DCDC2: variants seen among roughly 807,000 people sequenced by gnomAD.
DCDC2 encodes doublecortin domain containing 2.
A neutral mutation model predicts 50.2 loss-of-function variants in DCDC2; 40 were observed. The observed-to-expected ratio is 0.80, with a 90% CI of 0.62 to 1.04. The LOEUF is 1.04. DCDC2 is among the 50% of genes least tolerant of loss of function. DCDC2 has a pLI of 0.00. For synonymous variants in DCDC2, 234 were observed against 210.6 expected (o/e 1.11, Z -0.96); for missense variants, 570 against 581.9 (o/e 0.98, Z 0.21).
chr6:24,381,068 T>G, the DCDC2 span, among the ~76,000 whole-genome samples: 2 of 146,356 alleles, frequency 1.4e-5, no homozygotes, highest in Non-Finnish European at 3.0e-5. Flanking sequence ...GGTGACAGAG[T>G]GAAGTCTTGT....
At chr6:24,204,351 G>A (rs1342499857) in intron 8 of DCDC2, among the ~76,000 whole-genome samples, 3 of 152,142 alleles carry the variant, frequency 2.0e-5, no homozygotes, top group African/African-American at 4.8e-5. Flanking sequence ...CATGAATGAA[G>A]CTGGAAACCA....
intron 2 of DCDC2, among the ~76,000 whole-genome samples, chr6:24,337,168 G>C (rs1314935700): frequency 1.3e-5 from 2 of 152,084 alleles, no homozygotes; most frequent in Non-Finnish European, 2.9e-5. Context: ...CAGTAGCACA[G>C]TAAAAACTTT....
chr6:24,359,419 T>TATATATATTTTATATATTATATAG (rs1491562288), upstream of DCDC2, among the ~76,000 whole-genome samples: 16 of 50,966 alleles, frequency 3.1e-4, no homozygotes, highest in East Asian at 1.2e-3. Flanking sequence ...ATATTATATA[T>TATATATATTTTATATATTATATAG]TATATATATT....
intron 5 of DCDC2, among the ~76,000 whole-genome samples, chr6:24,290,014 G>T (rs1329557639): frequency 4.7e-5 from 4 of 85,784 alleles, no homozygotes; most frequent in Non-Finnish European, 6.4e-5. Context: ...TTTTTTTTGA[G>T]ACGGAGTCTC....
chr6:24,371,289 A>AAAGAAAAG, the DCDC2 span, among the ~76,000 whole-genome samples: 1 of 141,194 alleles, frequency 7.1e-6, no homozygotes, highest in South Asian at 2.2e-4. Flanking sequence ...AAAAAAAAAA[A>AAAGAAAAG]AAAAGAAAAG....
intron 8 of DCDC2, among the ~76,000 whole-genome samples, chr6:24,181,678 A>T (rs1761075411): frequency 6.6e-6 from 1 of 152,238 alleles, no homozygotes. Context: ...AAGAAAATTT[A>T]AAAGACATAA....
chr6:24,222,013 C>T (rs72830805), intron 7 of DCDC2, among the ~76,000 whole-genome samples: 14,149 of 151,906 alleles, frequency 0.093, 825 homozygotes, highest in East Asian at 0.17. Context: ...GAAGCAAATT[C>T]GAAAGTTAAA....
At chr6:24,302,866 C>T (rs1001695058) in intron 2 of DCDC2, among the ~76,000 whole-genome samples, 2 of 151,966 alleles carry the variant, frequency 1.3e-5, no homozygotes, top group African/African-American at 4.8e-5. Context: ...CTCACCTAAC[C>T]CTTAAAATCC....
intron 8 of DCDC2, among the ~76,000 whole-genome samples, chr6:24,201,964 A>T (rs1478102073): frequency 6.6e-6 from 1 of 152,118 alleles, no homozygotes; most frequent in East Asian, 1.9e-4. Flanking sequence ...GAATAGACCG[A>T]TGATAAATTC....
intron 2 of DCDC2, among the ~76,000 whole-genome samples, chr6:24,313,348 C>T (rs12196797): frequency 0.12 from 18,331 of 151,992 alleles, 1,558 homozygotes; most frequent in African/African-American, 0.24. Context: ...TCTCAGAAGT[C>T]TACAGGAACT....
intron 7 of DCDC2, among the ~76,000 whole-genome samples, chr6:24,211,257 G>C (rs753641324): frequency 1.3e-5 from 2 of 152,174 alleles, no homozygotes; most frequent in Non-Finnish European, 2.9e-5. Flanking sequence ...GTTCTTACAG[G>C]GTGTTGCCCC....
intron 9 of DCDC2, among the ~76,000 whole-genome samples, chr6:24,176,755 C>G (rs771368495): frequency 6.6e-6 from 1 of 152,100 alleles, no homozygotes; most frequent in Non-Finnish European, 1.5e-5. Context: ...ATCATTTGAC[C>G]AACATCTCTC....
intron 7 of DCDC2, among the ~76,000 whole-genome samples, chr6:24,250,823 T>C (rs1416096528): frequency 1.3e-5 from 2 of 152,098 alleles, no homozygotes; most frequent in Non-Finnish European, 2.9e-5. Flanking sequence ...AGCATGATGA[T>C]GCAAAATTAT....
upstream of DCDC2, among the ~76,000 whole-genome samples, chr6:24,358,816 A>AT (rs1491445678): frequency 4.0e-3 from 45 of 11,300 alleles, 2 homozygotes; most frequent in Non-Finnish European, 8.2e-3. Context: ...TTATATATAA[A>AT]TATATATATT....
the DCDC2 span, among the ~76,000 whole-genome samples, chr6:24,377,785 C>T: frequency 3.9e-5 from 6 of 152,056 alleles, no homozygotes; most frequent in African/African-American, 9.7e-5. Context: ...GTCAGGAGTT[C>T]GAGACCAGCC....
rs35379687 is a variant in DCDC2, at chr6:24,185,688, TAC to T, written c.1024-7058_1024-7057del. ...CGGGTTTTACACCCATCCATACACA[TAC>T]ACACACACACACACACACACACACA... On this transcript the variant is annotated intron_variant, in intron 8 of 9. Transcript: ENST00000378454. Among the ~76,000 whole-genome samples, 1,368 of 144,488 alleles carry T rather than the reference TAC, an allele frequency of 9.5e-3. 16 individuals carry two copies. The highest frequency in any genetic ancestry group is 0.029 in the African/African-American group (1,129 of 38,978). 94.8% of individuals were successfully genotyped at this position (144,488 alleles called of 152,430 possible).
intron 8 of DCDC2, among the ~76,000 whole-genome samples, chr6:24,203,511 A>G (rs540985369): frequency 6.6e-6 from 1 of 152,290 alleles, no homozygotes; most frequent in African/African-American, 2.4e-5. Context: ...ACTTAAATGT[A>G]AGACCTAAAA....
At chr6:24,373,887 G>A in the DCDC2 span, among the ~76,000 whole-genome samples, 1 of 151,876 alleles carries the variant, frequency 6.6e-6, no homozygotes, top group African/African-American at 2.4e-5. Context: ...GAAGGACTGG[G>A]CGCGGTGGCT....
At chr6:24,372,667 C>T in the DCDC2 span, among the ~76,000 whole-genome samples, 4 of 151,220 alleles carry the variant, frequency 2.6e-5, no homozygotes, top group Admixed American at 2.6e-4. Flanking sequence ...ATCGCAAGGA[C>T]AAAAAACCAA....
Sources: allele counts gnomAD v4.1 joint callset (sites outside exome capture counted in the v4.1 genomes callset), GRCh38; gene constraint gnomAD v4.1.1; transcripts MANE v1.5; gene names NCBI Gene and HGNC (gene_info 2026-07-23, HGNC 2026-07-21).